Variants in ENAH observed in about 807,000 individuals in gnomAD.
ENAH encodes the protein protein enabled homolog.
ENAH carries 23 observed loss-of-function variants against 78.7 expected under a neutral mutation model. That is an observed-to-expected ratio of 0.29 (90% CI 0.21 to 0.41). ENAH has a LOEUF of 0.41. Among genes scored for constraint, ENAH ranks in the 10% least tolerant of loss-of-function variants. ENAH has a pLI of 1.00. For missense variants in ENAH, 544 were observed against 691.0 expected (o/e 0.79, Z 2.39); for synonymous variants, 226 against 241.0 (o/e 0.94, Z 0.58).
intron 3 of ENAH, among the ~76,000 whole-genome samples, chr1:225,540,326 T>G (rs900503329): frequency 6.6e-6 from 1 of 152,182 alleles, no homozygotes; most frequent in Non-Finnish European, 1.5e-5. Context: ...TTTCACTCTC[T>G]TATCCACATG....
In ENAH at chr1:225,621,178, C is replaced by T. The variant is rs552013316; in HGVS notation, c.5+31508G>A. ...ATCTTTTTAAGAGTGACAATGCTAT[C>T]ATCCTATTACCAAATTCCAGAACCT... is the stretch of plus-strand genomic sequence containing the variant. On this transcript the variant is annotated intron_variant, in intron 1 of 13. Transcript: ENST00000366843. Among the ~76,000 whole-genome samples, 7 of 152,302 alleles carry T rather than the reference C, an allele frequency of 4.6e-5. No homozygotes were observed. In the East Asian group the frequency reaches 1.3e-3, roughly 29 times the overall value.
intron 1 of ENAH, among the ~76,000 whole-genome samples, chr1:225,588,801 C>CAAAAAAAAA (rs55962047): frequency 1.3e-5 from 1 of 78,436 alleles, no homozygotes; most frequent in African/African-American, 5.3e-5. Flanking sequence ...AAGTCTGTGT[C>CAAAAAAAAA]AAAAAAAAAA....
chr1:225,530,874 G>A (rs1400670788), intron 3 of ENAH, among the ~76,000 whole-genome samples: 1 of 152,050 alleles, frequency 6.6e-6, no homozygotes, highest in Non-Finnish European at 1.5e-5. Context: ...CAACAATAAG[G>A]AAAAAGAAAC....
At chr1:225,620,922 T>C (rs1020184834) in intron 1 of ENAH, among the ~76,000 whole-genome samples, 2 of 151,498 alleles carry the variant, frequency 1.3e-5, no homozygotes, top group Non-Finnish European at 2.9e-5. Context: ...AGAGAATCGT[T>C]TGAACCTGGG....
chr1:225,610,333 ACT>A (rs1195269982), intron 1 of ENAH, among the ~76,000 whole-genome samples: 2 of 152,128 alleles, frequency 1.3e-5, no homozygotes, highest in Non-Finnish European at 2.9e-5. Flanking sequence ...AGAGAAGTTT[ACT>A]AGAGCTCAAA....
At chr1:225,523,832 G>A (rs1219932064) in intron 4 of ENAH, among the ~76,000 whole-genome samples, 4 of 151,962 alleles carry the variant, frequency 2.6e-5, no homozygotes, top group Non-Finnish European at 4.4e-5. Flanking sequence ...CAGAATTATC[G>A]CTGCCAATTC....
chr1:225,511,586 T>G, intron 10 of ENAH, among the ~76,000 whole-genome samples: 1 of 152,332 alleles, frequency 6.6e-6, no homozygotes, highest in South Asian at 2.1e-4. Flanking sequence ...ACTCTTGTCA[T>G]CTAATAGTAC....
chr1:225,612,074 C>T (rs2148135443), intron 1 of ENAH, among the ~76,000 whole-genome samples: 1 of 152,240 alleles, frequency 6.6e-6, no homozygotes, highest in East Asian at 1.9e-4. Context: ...CCGGCCAATT[C>T]CACTCCTAGA....
At chr1:225,584,276 A>G (rs2096834638) in intron 1 of ENAH, among the ~76,000 whole-genome samples, 1 of 152,252 alleles carries the variant, frequency 6.6e-6, no homozygotes, top group Non-Finnish European at 1.5e-5. Flanking sequence ...CAAATACAGC[A>G]AAACAAACTG....
At chr1:225,524,944 T>C (rs2151213666) in intron 4 of ENAH, among the ~76,000 whole-genome samples, 1 of 152,286 alleles carries the variant, frequency 6.6e-6, no homozygotes, top group East Asian at 1.9e-4. Flanking sequence ...CACTTAGACA[T>C]GTGCTCTATT....
chr1:225,591,978 C>T (rs138132077), intron 1 of ENAH, among the ~76,000 whole-genome samples: 1 of 152,132 alleles, frequency 6.6e-6, no homozygotes, highest in Non-Finnish European at 1.5e-5. Flanking sequence ...TTTATTTAGC[C>T]TCATTAAGCC....
chr1:225,645,914 C>T (rs994114634), intron 1 of ENAH, among the ~76,000 whole-genome samples: 1 of 152,196 alleles, frequency 6.6e-6, no homozygotes, highest in African/African-American at 2.4e-5. Context: ...CTTAGATATA[C>T]ATACATTGCC....
intron 2 of ENAH, among the ~76,000 whole-genome samples, chr1:225,556,523 C>G (rs1470495701): frequency 6.6e-6 from 1 of 152,056 alleles, no homozygotes; most frequent in East Asian, 1.9e-4. Context: ...GTCCATTTTT[C>G]TCCTGAGTTG....
At chr1:225,513,788 T>G (rs1215988531) in intron 7 of ENAH, among the ~76,000 whole-genome samples, 1 of 152,050 alleles carries the variant, frequency 6.6e-6, no homozygotes, top group African/African-American at 2.4e-5. Context: ...GGTCAGGATT[T>G]CAAGACCAGT....
chr1:225,618,105 G>A lies in ENAH; in HGVS notation c.5+34581C>T, dbSNP rs373409616. On this transcript the variant is annotated intron_variant, in intron 1 of 13. Coordinates refer to ENST00000366843, the MANE Select transcript of ENAH (RefSeq NM_018212.6). ...CAAAGGAACATAATTTCAGGAACCAGGAGGCAGATTTCCACTACATACCAA... is the reference window on the plus strand; with the variant it reads ...CAAAGGAACATAATTTCAGGAACCAAGAGGCAGATTTCCACTACATACCAA... Among the ~76,000 whole-genome samples, 48 of 152,322 alleles carry A rather than the reference G, an allele frequency of 3.2e-4. No individual in the cohort carries two copies. The South Asian group carries it at 6.6e-3, about 21-fold the overall frequency.
chr1:225,627,707 A>C (rs1418298853), intron 1 of ENAH, among the ~76,000 whole-genome samples: 1 of 152,208 alleles, frequency 6.6e-6, no homozygotes, highest in African/African-American at 2.4e-5. Context: ...CAGAGTTGTT[A>C]ATGATTTCCT....
intron 1 of ENAH, among the ~76,000 whole-genome samples, chr1:225,623,601 T>C (rs1657401666): frequency 6.6e-6 from 1 of 151,262 alleles, no homozygotes; most frequent in Admixed American, 6.6e-5. Context: ...TTTTTTTTTT[T>C]TTGAGACGGA....
intron 1 of ENAH, 123 bp downstream of exon 1, chr1:225,652,563 A>G (rs1289240875): frequency 2.7e-6 from 3 of 1,093,470 alleles, no homozygotes; most frequent in Non-Finnish European, 3.5e-6. Context: ...GGGGGGAGGA[A>G]CAGACCGGAG....
intron 1 of ENAH, among the ~76,000 whole-genome samples, chr1:225,615,067 TCTCC>T (rs2097017844): frequency 2.7e-5 from 4 of 145,578 alleles, no homozygotes; most frequent in African/African-American, 1.0e-4. Flanking sequence ...TCTCCCTCTC[TCTCC>T]ACGGTCTCCC....
Sources: allele counts gnomAD v4.1 joint callset (sites outside exome capture counted in the v4.1 genomes callset), GRCh38; gene constraint gnomAD v4.1.1; transcripts MANE v1.5; gene names NCBI Gene and HGNC (gene_info 2026-07-23, HGNC 2026-07-21).